SLC30A8: variants seen among roughly 807,000 people sequenced by gnomAD.
SLC30A8 encodes solute carrier family 30 member 8.
Under a neutral mutation model 36.9 loss-of-function variants are expected in SLC30A8, and 27 were observed. That is an observed-to-expected ratio of 0.73 (90% CI 0.54 to 1.01). The LOEUF (loss-of-function observed/expected upper bound fraction) is 1.01, where lower values mean the gene tolerates loss of function less well. SLC30A8 is among the 50% of genes least tolerant of loss of function. The probability of loss-of-function intolerance (pLI) is 0.00; values close to 1 mark genes in which losing one functional copy is unlikely to be tolerated. For missense variants in SLC30A8, 439 were observed against 452.0 expected, an observed-to-expected ratio of 0.97 and a Z score of 0.26; for synonymous variants, 164 against 172.4, an observed-to-expected ratio of 0.95 and a Z score of 0.38.
chr8:117,072,561 A>G (rs1818362719), intron 2 of SLC30A8, among the ~76,000 whole-genome samples: 1 of 152,110 alleles, frequency 6.6e-6, no homozygotes. Flanking sequence ...AGTTCTTTAT[A>G]TTTCTTTCTT....
At position 117,173,161 on chromosome 8, in the gene SLC30A8, G is replaced by A. The variant is rs1309319175; in HGVS notation, c.*480G>A. 6.5e-6 allele frequency: 1 copy of A among 153,736 alleles called. No individual in the cohort carries two copies. The highest frequency in any genetic ancestry group is 1.4e-5 in the Non-Finnish European group (1 of 69,186). The allele number at this position is 153,736 out of a possible 1,614,324, so 9.5% of individuals were successfully genotyped here. ...GTATGCTAACGCCACATTAGAACTT[G>A]GTTCTCTCACCAAGCTGTAATGTGA... On this transcript the variant is annotated 3_prime_UTR_variant, in exon 8 of 8. Transcript: ENST00000456015.
intron 2 of SLC30A8, among the ~76,000 whole-genome samples, chr8:117,152,033 C>T (rs62510556): frequency 0.16 from 24,093 of 152,082 alleles, 2,258 homozygotes; most frequent in East Asian, 0.27. Context: ...AAAAATTAGG[C>T]GAGACAAGGT....
chr8:116,988,058 C>T (rs1815508005), intron 1 of SLC30A8, among the ~76,000 whole-genome samples: 1 of 152,126 alleles, frequency 6.6e-6, no homozygotes, highest in African/African-American at 2.4e-5. Flanking sequence ...TCCCCTCTCT[C>T]CTAAACTGAG....
chr8:117,146,141 A>G (rs1019974410), intron 1 of SLC30A8, among the ~76,000 whole-genome samples: 2 of 152,134 alleles, frequency 1.3e-5, no homozygotes, highest in Non-Finnish European at 2.9e-5. Flanking sequence ...TAGAATAAAG[A>G]AGAGAGAAAT....
intron 4 of SLC30A8, 136 bp downstream of exon 4, chr8:117,157,980 T>C: frequency 2.1e-6 from 2 of 966,344 alleles, no homozygotes; most frequent in Admixed American, 2.7e-5. Flanking sequence ...GCTCTAAGAT[T>C]GAAAATAAGG....
intron 2 of SLC30A8, among the ~76,000 whole-genome samples, chr8:117,117,209 C>T (rs558242645): frequency 6.6e-5 from 10 of 152,064 alleles, no homozygotes; most frequent in African/African-American, 2.4e-4. Flanking sequence ...TTTCTGTGTG[C>T]CAGGCTCTTT....
intron 1 of SLC30A8, among the ~76,000 whole-genome samples, chr8:116,961,784 A>G (rs780795772): frequency 5.9e-5 from 9 of 151,922 alleles, no homozygotes; most frequent in Non-Finnish European, 1.2e-4. Flanking sequence ...ACCTACTTCC[A>G]TGAGCCCTTT....
intron 1 of SLC30A8, among the ~76,000 whole-genome samples, chr8:116,987,408 T>G (rs978313509): frequency 4.7e-5 from 7 of 147,482 alleles, no homozygotes; most frequent in Middle Eastern, 3.3e-3. Flanking sequence ...GACCTGCACG[T>G]TGTGCACATG....
intron 1 of SLC30A8, among the ~76,000 whole-genome samples, chr8:116,985,325 CACACACACAAGT>C (rs1273200695): frequency 7.7e-5 from 11 of 143,130 alleles, no homozygotes; most frequent in South Asian, 2.1e-4. Flanking sequence ...CACACACACA[CACACACACAAGT>C]ATGTATATCT....
chr8:117,156,483 T>C (rs1822492834), intron 3 of SLC30A8, among the ~76,000 whole-genome samples: 2 of 152,210 alleles, frequency 1.3e-5, no homozygotes, highest in South Asian at 4.1e-4. Flanking sequence ...GTGACTTGTC[T>C]AAAGTCACAT....
intron 6 of SLC30A8, among the ~76,000 whole-genome samples, chr8:117,163,797 C>T (rs546352864): frequency 1.3e-5 from 2 of 151,970 alleles, no homozygotes; most frequent in South Asian, 4.2e-4. Context: ...GGAGATACTA[C>T]AAAAATATAA....
At chr8:117,129,293 TTTA>T (rs566656935) in intron 2 of SLC30A8, among the ~76,000 whole-genome samples, 220 of 152,184 alleles carry the variant, frequency 1.4e-3, no homozygotes, top group African/African-American at 5.1e-3. Flanking sequence ...GAGCCTTGTG[TTTA>T]TTAAAAAATT....
chr8:116,998,394 G>T (rs1004099987), intron 1 of SLC30A8, among the ~76,000 whole-genome samples: 2 of 152,100 alleles, frequency 1.3e-5, no homozygotes, highest in Non-Finnish European at 2.9e-5. Flanking sequence ...ATGAAAAGCT[G>T]GGAAAAATGC....
At chr8:116,995,857 C>G (rs918892782) in intron 1 of SLC30A8, among the ~76,000 whole-genome samples, 1 of 152,062 alleles carries the variant, frequency 6.6e-6, no homozygotes, top group Non-Finnish European at 1.5e-5. Flanking sequence ...AACGCACAAT[C>G]TTCTTGCACC....
At chr8:117,105,762 C>T (rs137895810) in intron 2 of SLC30A8, among the ~76,000 whole-genome samples, 28 of 152,244 alleles carry the variant, frequency 1.8e-4, no homozygotes, top group Admixed American at 3.3e-4. Context: ...ATGTTAAACA[C>T]GTCTACAAAG....
chr8:116,999,208 G>A (rs937854726), intron 1 of SLC30A8, among the ~76,000 whole-genome samples: 4 of 152,152 alleles, frequency 2.6e-5, no homozygotes, highest in African/African-American at 7.2e-5. Context: ...GCAGTGAGCC[G>A]AGATCATGCC....
At chr8:117,070,428 C>T (rs1414229525) in intron 2 of SLC30A8, among the ~76,000 whole-genome samples, 1 of 152,176 alleles carries the variant, frequency 6.6e-6, no homozygotes, top group Non-Finnish European at 1.5e-5. Context: ...CCTTACTTGG[C>T]TGGTCAGGGC....
intron 2 of SLC30A8, among the ~76,000 whole-genome samples, chr8:117,046,915 A>G (rs1304653126): frequency 6.6e-6 from 1 of 152,022 alleles, no homozygotes; most frequent in African/African-American, 2.4e-5. Context: ...CCTTTTTCTA[A>G]ATTTGTAATA....
intron 2 of SLC30A8, among the ~76,000 whole-genome samples, chr8:117,074,122 G>C (rs777970149): frequency 6.6e-6 from 1 of 152,080 alleles, no homozygotes; most frequent in Non-Finnish European, 1.5e-5. Flanking sequence ...TGAGAAGAAG[G>C]TAATAACTAC....
Sources: allele counts gnomAD v4.1 joint callset (sites outside exome capture counted in the v4.1 genomes callset), GRCh38; gene constraint gnomAD v4.1.1; transcripts MANE v1.5; gene names NCBI Gene and HGNC (gene_info 2026-07-23, HGNC 2026-07-21).